ASAP2: variants seen among roughly 807,000 people sequenced by gnomAD.
The protein encoded by ASAP2 is arf-GAP with SH3 domain, ANK repeat and PH domain-containing protein 2.
In ASAP2, 45 loss-of-function variants were observed where a neutral mutation model predicts 131.4. The observed-to-expected ratio is 0.34, with a 90% CI of 0.27 to 0.44. The LOEUF (loss-of-function observed/expected upper bound fraction) is 0.44, where lower values mean the gene tolerates loss of function less well. Among genes scored for constraint, ASAP2 ranks in the 20% least tolerant of loss-of-function variants. The probability of loss-of-function intolerance (pLI) is 1.00; values close to 1 mark genes in which losing one functional copy is unlikely to be tolerated. For synonymous variants in ASAP2, 510 were observed against 503.0 expected, an observed-to-expected ratio of 1.01 and a Z score of -0.19; for missense variants, 1,011 against 1,297.0, an observed-to-expected ratio of 0.78 and a Z score of 3.39.
intron 3 of ASAP2, among the ~76,000 whole-genome samples, chr2:9,299,882 G>A (rs1668375346): frequency 6.6e-6 from 1 of 152,210 alleles, no homozygotes; most frequent in Non-Finnish European, 1.5e-5. Flanking sequence ...CATAAGGTCA[G>A]TCAATGTCAT....
chr2:9,319,174 G>C (rs529738265), intron 4 of ASAP2, among the ~76,000 whole-genome samples: 172 of 152,336 alleles, frequency 1.1e-3, no homozygotes, highest in Non-Finnish European at 1.6e-3. Context: ...CGGGGGCAGC[G>C]GACAGGGCTA....
At chr2:9,342,209 A>C (rs1671632430) in intron 9 of ASAP2, among the ~76,000 whole-genome samples, 1 of 152,252 alleles carries the variant, frequency 6.6e-6, no homozygotes. Context: ...TCGTCAAAAC[A>C]ATCCTGAAAA....
rs1279833215 is a variant in ASAP2 at position 9,400,008 on chromosome 2, T to TC, written c.2685-12dup. On this transcript the variant is annotated splice_polypyrimidine_tract_variant and intron_variant, in intron 24 of 27. Transcript: ENST00000281419. ...CTCCGGTAGCAGTAAATCTACTTTT[T>TC]CCCTGTCTTTGTAGGGCTGACAAGT... 6.2e-7 allele frequency: 1 copy of TC among 1,612,814 alleles called. No individual in the cohort carries two copies. Among genetic ancestry groups the TC allele is most frequent in the African/African-American group, 1.3e-5 (1 of 74,810 alleles).
chr2:9,389,595 T>C lies in ASAP2; in HGVS notation c.2383+1049T>C, dbSNP rs1401982830. Among the ~76,000 whole-genome samples the C allele has an allele frequency of 6.6e-6, 1 of 152,028 alleles. No homozygotes were observed. The highest frequency in any genetic ancestry group is 1.5e-5 in the Non-Finnish European group (1 of 68,026). ...CCCATCTTCCCTGCCGTCCTGGGTG[T>C]CTCACAGACCCTCACACGGCTCTGC... On this transcript the variant is annotated intron_variant, in intron 22 of 27. Coordinates refer to ENST00000281419, the MANE Select transcript of ASAP2 (RefSeq NM_003887.3). The surrounding 1 kb of genome is among the most constrained non-coding windows in gnomAD (Gnocchi z 4.7).
rs1667110223 is a variant in ASAP2 at position 9,281,208 on chromosome 2, T to A, written c.199+1819T>A. Among the ~76,000 whole-genome samples, 1 of 152,132 alleles carries A rather than the reference T, an allele frequency of 6.6e-6. No homozygotes were observed. The highest frequency in any genetic ancestry group is 2.4e-5 in the African/African-American group (1 of 41,428). ...ACTTGAGGGATATTTGATATTCTGGTCAGACTCAAAAATGATTTTATAGTC... is the reference window on the plus strand; with the variant it reads ...ACTTGAGGGATATTTGATATTCTGGACAGACTCAAAAATGATTTTATAGTC... On this transcript the variant is annotated intron_variant, in intron 2 of 27. Transcript: ENST00000281419. This position sits in a 1 kb window ranked among gnomAD's most constrained non-coding sequence, Gnocchi z 4.0.
At chr2:9,288,506 T>C (rs1572360215) in intron 2 of ASAP2, among the ~76,000 whole-genome samples, 3 of 152,220 alleles carry the variant, frequency 2.0e-5, no homozygotes, top group Non-Finnish European at 4.4e-5. Flanking sequence ...AAGTCATCAC[T>C]GTGGTGAGCG....
chr2:9,269,540 G>T (rs1438330134), intron 1 of ASAP2, among the ~76,000 whole-genome samples: 4 of 152,210 alleles, frequency 2.6e-5, no homozygotes, highest in Non-Finnish European at 5.9e-5. Context: ...ATGGAGGAGG[G>T]TGGCCATGGG....
intron 11 of ASAP2, among the ~76,000 whole-genome samples, chr2:9,346,304 G>A (rs1671959962): frequency 6.6e-6 from 1 of 152,078 alleles, no homozygotes; most frequent in African/African-American, 2.4e-5. Context: ...GTGCATGCCT[G>A]TATCCCAGCA....
intron 1 of ASAP2, among the ~76,000 whole-genome samples, chr2:9,246,286 A>G (rs2148109454): frequency 6.6e-6 from 1 of 152,220 alleles, no homozygotes; most frequent in East Asian, 1.9e-4. Context: ...CTAGTGTGAA[A>G]ATTTTATTTT....
At chr2:9,247,972 G>T (rs1038696290) in intron 1 of ASAP2, among the ~76,000 whole-genome samples, 5 of 152,218 alleles carry the variant, frequency 3.3e-5, no homozygotes, top group Non-Finnish European at 7.3e-5. Flanking sequence ...TTATCCAGAG[G>T]TCAGACTTTT....
chr2:9,393,614 C>A lies in ASAP2; in HGVS notation c.2651C>A (p.Pro884His). 1 of 1,587,986 alleles carries A rather than the reference C, an allele frequency of 6.3e-7. No individual in the cohort carries two copies. The highest frequency in any genetic ancestry group is 1.1e-5 in the South Asian group (1 of 88,074). The change falls in exon 24 of 28, where the codon CCC becomes CAC. Residue 884 changes from proline to histidine, a missense_variant. Pro to His is a moderately conservative substitution (Grantham distance 77). This residue lies in a region of ASAP2 where 652 missense variants were observed against 698.9 expected (regional missense o/e 0.93). Coordinates refer to ENST00000281419, the MANE Select transcript of ASAP2 (RefSeq NM_003887.3). ...IRPPPLPPQPPSRLPQKKPAP... is the reference protein window; with the variant it reads ...IRPPPLPPQPHSRLPQKKPAP... ...CCCCCACCTCTGCCCCCACAGCCGC[C>A]CAGCCGCCTCCCGCAGAAGAAGCCT...
At position 9,388,598 on chromosome 2, in the gene ASAP2, GT is replaced by G. The variant is rs745454944; in HGVS notation, c.2383+55del. 1.1e-5 allele frequency: 17 copies of G among 1,562,106 alleles called. No homozygotes were observed. In the Admixed American group the frequency reaches 3.6e-4, roughly 33 times the overall value. ...AATATATAGAGGGTCTTGTTTTGTGGTTTGGGAAGTTTGCAGCTGCCCTGCC... is the reference window on the plus strand; with the variant it reads ...AATATATAGAGGGTCTTGTTTTGTGGTTGGGAAGTTTGCAGCTGCCCTGCC... On this transcript the variant is annotated intron_variant, in intron 22 of 27. Transcript: ENST00000281419.
At chr2:9,375,528 G>T (rs74439099) in intron 17 of ASAP2, among the ~76,000 whole-genome samples, 2,944 of 152,254 alleles carry the variant, frequency 0.019, 89 homozygotes, top group African/African-American at 0.067. Context: ...TTACCTCACA[G>T]GCTCATCCAT....
In ASAP2 at chr2:9,311,864, T is replaced by G. The variant is rs1669326386; in HGVS notation, c.346-6660T>G. ...TGGCCATGTCCTGGGAAATTCTCCC[T>G]GAGCCACCAGGCGTGTGTGCTGTGT... On this transcript the variant is annotated intron_variant, in intron 3 of 27. Coordinates refer to ENST00000281419, the MANE Select transcript of ASAP2 (RefSeq NM_003887.3). This position sits in a 1 kb window ranked among gnomAD's most constrained non-coding sequence, Gnocchi z 5.2. Among the ~76,000 whole-genome samples the G allele has an allele frequency of 6.6e-6, 1 of 152,186 alleles. No homozygotes were observed. Among genetic ancestry groups the G allele is most frequent in the Non-Finnish European group, 1.5e-5 (1 of 68,032 alleles).
At position 9,268,301 on chromosome 2, in the gene ASAP2, G is replaced by A. The variant is rs1210954323; in HGVS notation, c.127-11016G>A. Reference sequence around the variant, plus strand: ...AGGAGTGTTAGGACAGCCTGTCCATGTCTTCTGTTGTGGATGTATATTTAC... The same window carrying A: ...AGGAGTGTTAGGACAGCCTGTCCATATCTTCTGTTGTGGATGTATATTTAC... On this transcript the variant is annotated intron_variant, in intron 1 of 27. Transcript: ENST00000281419. This position sits in a 1 kb window ranked among gnomAD's most constrained non-coding sequence, Gnocchi z 4.1. Among the ~76,000 whole-genome samples, 1 of 152,196 alleles carries A rather than the reference G, an allele frequency of 6.6e-6. No individual in the cohort carries two copies. Among genetic ancestry groups the A allele is most frequent in the Non-Finnish European group, 1.5e-5 (1 of 68,032 alleles).
chr2:9,260,333 A>G (rs1665489811), intron 1 of ASAP2, among the ~76,000 whole-genome samples: 1 of 152,172 alleles, frequency 6.6e-6, no homozygotes, highest in Non-Finnish European at 1.5e-5. Flanking sequence ...TGGGGGCGGG[A>G]AGGATGCCTG....
chr2:9,319,849 T>C (rs1670041561), intron 4 of ASAP2, among the ~76,000 whole-genome samples: 1 of 152,200 alleles, frequency 6.6e-6, no homozygotes, highest in African/African-American at 2.4e-5. Context: ...GCGGCCTTTC[T>C]ATTTCTGTCG....
chr2:9,352,302 T>A (rs78423025), intron 12 of ASAP2, among the ~76,000 whole-genome samples: 1 of 152,068 alleles, frequency 6.6e-6, no homozygotes, highest in Non-Finnish European at 1.5e-5. Context: ...AAGGCTTGAA[T>A]TGAAGAGTTT....
At chr2:9,320,590 T>C (rs57217281) in intron 5 of ASAP2, among the ~76,000 whole-genome samples, 236 of 152,364 alleles carry the variant, frequency 1.5e-3, no homozygotes, top group African/African-American at 5.4e-3. Context: ...GGAAAGTTCA[T>C]TGAGGGAAGT....
Sources: allele counts gnomAD v4.1 joint callset (sites outside exome capture counted in the v4.1 genomes callset), GRCh38; gene constraint gnomAD v4.1.1; regional missense constraint gnomAD v4.1.1; non-coding constraint Gnocchi (gnomAD v3.1); transcripts MANE v1.5; gene names NCBI Gene and HGNC (gene_info 2026-07-23, HGNC 2026-07-21).